ERCC8: variants seen among roughly 807,000 people sequenced by gnomAD.
The protein encoded by ERCC8 is DNA excision repair protein ERCC-8.
In ERCC8, 52 loss-of-function variants were observed where a neutral mutation model predicts 54.9. The observed-to-expected ratio is 0.95, with a 90% CI of 0.76 to 1.19. The LOEUF is 1.19. ERCC8 is among the 50% of genes most tolerant of loss of function. The probability of loss-of-function intolerance (pLI) is 0.00; values close to 1 mark genes in which losing one functional copy is unlikely to be tolerated. For missense variants in ERCC8, 514 were observed against 466.1 expected (o/e 1.10, Z -0.95); for synonymous variants, 146 against 157.2 (o/e 0.93, Z 0.53).
At chr5:60,892,106 G>A in intron 9 of ERCC8, 1 of 526,084 alleles carries the variant, frequency 1.9e-6, no homozygotes. Context: ...TGCAGTACTG[G>A]GCAGCAGTCC....
chr5:60,875,105 C>T (rs1472405490), intron 11 of ERCC8, among the ~76,000 whole-genome samples: 2 of 152,140 alleles, frequency 1.3e-5, no homozygotes, highest in African/African-American at 2.4e-5. Flanking sequence ...ATGGTGGCAA[C>T]TCTTTATTGT....
At chr5:60,910,049 C>T (rs1349334492) in intron 4 of ERCC8, 1 of 151,856 alleles carries the variant, frequency 6.6e-6, no homozygotes, top group African/African-American at 2.4e-5. Context: ...TTATGTAATC[C>T]AGAAGGCTAC....
chr5:60,879,224 G>A (rs900774019), intron 11 of ERCC8, among the ~76,000 whole-genome samples: 2 of 152,198 alleles, frequency 1.3e-5, no homozygotes, highest in African/African-American at 4.8e-5. Context: ...TTGCACTGGG[G>A]TCTGAAAGAC....
At chr5:60,896,365 C>T (rs1177364374) in intron 9 of ERCC8, among the ~76,000 whole-genome samples, 1 of 151,258 alleles carries the variant, frequency 6.6e-6, no homozygotes, top group African/African-American at 2.5e-5. Flanking sequence ...TACAGGTGCC[C>T]ACCACTGGCT....
At chr5:60,925,136 A>T (rs1749709050) in intron 2 of ERCC8, among the ~76,000 whole-genome samples, 1 of 152,024 alleles carries the variant, frequency 6.6e-6, no homozygotes, top group Non-Finnish European at 1.5e-5. Flanking sequence ...AATTTTCTTA[A>T]CCTTTTAGAA....
chr5:60,934,213 G>A (rs576969237), intron 1 of ERCC8, among the ~76,000 whole-genome samples: 15 of 152,140 alleles, frequency 9.9e-5, no homozygotes, highest in Non-Finnish European at 2.1e-4. Context: ...CAGTGGAAAA[G>A]TGTTCCCTTT....
At chr5:60,877,016 C>T (rs1748032284) in intron 11 of ERCC8, among the ~76,000 whole-genome samples, 1 of 152,124 alleles carries the variant, frequency 6.6e-6, no homozygotes, top group Non-Finnish European at 1.5e-5. Context: ...GGTTTTAGGT[C>T]TAACATTTAA....
chr5:60,913,309 G>T (rs1208050808), intron 4 of ERCC8, among the ~76,000 whole-genome samples: 2 of 151,994 alleles, frequency 1.3e-5, no homozygotes, highest in Admixed American at 6.6e-5. Context: ...CTTCTTCCTG[G>T]TTTAGTCTTG....
chr5:60,916,647 T>A lies in ERCC8; in HGVS notation c.399+1618A>T, dbSNP rs1749444176. On this transcript the variant is annotated intron_variant, in intron 4 of 11. Transcript: ENST00000676185. ...ATATACTTTATTATAAAAATAAATCTGAAATAATAGGACTATTCTAATGTA... is the reference window on the plus strand; with the variant it reads ...ATATACTTTATTATAAAAATAAATCAGAAATAATAGGACTATTCTAATGTA... Among the ~76,000 whole-genome samples the A allele has an allele frequency of 3.9e-5, 6 of 152,144 alleles. No homozygotes were observed. In the South Asian group the frequency reaches 1.2e-3, roughly 31 times the overall value.
In ERCC8 at chr5:60,868,025, A is replaced by T. The variant is rs1004349435; in HGVS notation, c.*6590T>A. 6.6e-6 allele frequency among the ~76,000 whole-genome samples: 1 copy of T among 152,208 alleles called. No homozygotes were observed. Among genetic ancestry groups the T allele is most frequent in the Admixed American group, 6.5e-5 (1 of 15,288 alleles). On this transcript the variant is annotated 3_prime_UTR_variant, in exon 12 of 12. Transcript: ENST00000676185. ...GAGAAACCCTGTCTCTACTAAAAAT[A>T]CAAAATAAGCCAGGCATGGTGGCGC...
At chr5:60,927,881 G>GT (rs1455445110) in intron 2 of ERCC8, among the ~76,000 whole-genome samples, 1 of 152,210 alleles carries the variant, frequency 6.6e-6, no homozygotes, top group African/African-American at 2.4e-5. Context: ...TGAGACCATG[G>GT]TGGAAGCTGG....
At chr5:60,903,590 T>C (rs1452470261) in intron 6 of ERCC8, 58 bp downstream of exon 6, 1 of 1,607,660 alleles carries the variant, frequency 6.2e-7, no homozygotes, top group Non-Finnish European at 8.5e-7. Flanking sequence ...TTAGTAACGT[T>C]TCTTTTTATT....
intron 3 of ERCC8, among the ~76,000 whole-genome samples, chr5:60,919,771 T>A (rs1749548739): frequency 6.6e-6 from 1 of 151,952 alleles, no homozygotes. Flanking sequence ...CTAAATCAAC[T>A]TAGGATCATC....
chr5:60,920,577 T>C (rs962751117), intron 3 of ERCC8, among the ~76,000 whole-genome samples: 90 of 152,034 alleles, frequency 5.9e-4, no homozygotes, highest in African/African-American at 2.0e-3. Context: ...AACTTAATAA[T>C]AGTCTTTATT....
rs752467141 is a variant in ERCC8 at position 60,899,735 on chromosome 5, GAAAT to G, written c.618-12_618-9del. On this transcript the variant is annotated splice_polypyrimidine_tract_variant and intron_variant, in intron 7 of 11. Transcript: ENST00000676185. ...TTTACTCTACTGTCAGCACTGAGAA[GAAAT>G]AAATGTTACATTGACATATGTAGCT... 2 of 1,590,838 alleles carry G rather than the reference GAAAT, an allele frequency of 1.3e-6. No homozygotes were observed. The highest frequency in any genetic ancestry group is 1.7e-6 in the Non-Finnish European group (2 of 1,159,774).
intron 1 of ERCC8, among the ~76,000 whole-genome samples, chr5:60,935,881 A>G (rs1293261469): frequency 1.3e-5 from 2 of 152,178 alleles, no homozygotes; most frequent in Non-Finnish European, 2.9e-5. Flanking sequence ...CATTCCTGGT[A>G]TGAAACCCAC....
At chr5:60,936,961 C>T (rs1036787103) in intron 1 of ERCC8, among the ~76,000 whole-genome samples, 5 of 152,314 alleles carry the variant, frequency 3.3e-5, no homozygotes, top group African/African-American at 7.2e-5. Context: ...TTTTGTCCCA[C>T]GAGGTGCTCC....
At chr5:60,876,759 C>T (rs142282347) in intron 11 of ERCC8, among the ~76,000 whole-genome samples, 1,542 of 152,130 alleles carry the variant, frequency 0.01, 26 homozygotes, top group African/African-American at 0.034. Flanking sequence ...TGTTTGAGTC[C>T]ATTGTAGGTT....
At chr5:60,897,013 C>T (rs1748742577) in intron 9 of ERCC8, among the ~76,000 whole-genome samples, 1 of 152,166 alleles carries the variant, frequency 6.6e-6, no homozygotes, top group South Asian at 2.1e-4. Flanking sequence ...ATCTGGCACC[C>T]TAGTTCCTTC....
Sources: allele counts gnomAD v4.1 joint callset (sites outside exome capture counted in the v4.1 genomes callset), GRCh38; gene constraint gnomAD v4.1.1; transcripts MANE v1.5; gene names NCBI Gene and HGNC (gene_info 2026-07-23, HGNC 2026-07-21).